FBN2: variants seen among roughly 807,000 people sequenced by gnomAD.
FBN2 encodes fibrillin 2.
Under a neutral mutation model 355.6 loss-of-function variants are expected in FBN2, and 105 were observed. The observed-to-expected ratio is 0.30, with a 90% CI of 0.25 to 0.35. The LOEUF is 0.35. Among genes scored for constraint, FBN2 ranks in the 10% least tolerant of loss-of-function variants. The pLI is 1.00. For missense variants in FBN2, 3,280 were observed against 3,758.7 expected (o/e 0.87, Z 3.33); for synonymous variants, 1,350 against 1,301.2 (o/e 1.04, Z -0.81).
intron 5 of FBN2, among the ~76,000 whole-genome samples, chr5:128,518,083 T>C (rs963007372): frequency 2.6e-5 from 4 of 152,174 alleles, no homozygotes; most frequent in Non-Finnish European, 4.4e-5. Flanking sequence ...ACACACTCTT[T>C]TGCTCCTTTG....
chr5:128,275,436 G>C (rs1443503293), intron 59 of FBN2, among the ~76,000 whole-genome samples: 1 of 114,892 alleles, frequency 8.7e-6, no homozygotes, highest in East Asian at 2.1e-4. Flanking sequence ...AGCGGTGCTT[G>C]CTATTATTTT....
intron 27 of FBN2, 46 bp downstream of exon 27, chr5:128,337,951 T>C (rs1750889756): frequency 6.2e-7 from 1 of 1,608,366 alleles, no homozygotes. Context: ...CCCTGGTCTT[T>C]ACCAGTTGTG....
chr5:128,344,506 G>A lies in FBN2; in HGVS notation c.3222C>T (p.Ile1074=). ...TCCCAGGAAATGCTTTGCATTCATT[G>A]ATGTCTAAAAGCAGAATGAAGCCAG... The part of the protein sequence containing the change: ...VLTGRPFYKD[I]NECKAFPGMC... Residue 1074 remains isoleucine, a synonymous_variant, in exon 25 of 65, where the codon ATC becomes ATT. Coordinates refer to ENST00000262464, the MANE Select transcript of FBN2 (RefSeq NM_001999.4). 1 of 1,613,558 alleles carries A rather than the reference G, an allele frequency of 6.2e-7. No individual in the cohort carries two copies.
chr5:128,273,579 A>G (rs1489282334), intron 61 of FBN2, among the ~76,000 whole-genome samples: 1 of 152,196 alleles, frequency 6.6e-6, no homozygotes, highest in African/African-American at 2.4e-5. Context: ...TTTCAATTCA[A>G]TTCTTTCTCA....
At chr5:128,278,594 T>C in intron 57 of FBN2, 41 bp downstream of exon 57, 4 of 1,551,544 alleles carry the variant, frequency 2.6e-6, no homozygotes, top group Non-Finnish European at 3.6e-6. Context: ...TCATAAAATT[T>C]AATGTGTTGA....
At chr5:128,329,304 C>G (rs1358647465) in intron 33 of FBN2, among the ~76,000 whole-genome samples, 1 of 152,102 alleles carries the variant, frequency 6.6e-6, no homozygotes, top group Non-Finnish European at 1.5e-5. Context: ...CATGTCATTA[C>G]AATCTTATAA....
At chr5:128,483,010 G>A (rs1173177333) in intron 5 of FBN2, among the ~76,000 whole-genome samples, 1 of 152,092 alleles carries the variant, frequency 6.6e-6, no homozygotes, top group Non-Finnish European at 1.5e-5. Context: ...ATACTACACA[G>A]CCATAAAAAG....
chr5:128,392,632 C>T (rs922082180), intron 10 of FBN2, among the ~76,000 whole-genome samples: 1 of 151,818 alleles, frequency 6.6e-6, no homozygotes, highest in Non-Finnish European at 1.5e-5. Flanking sequence ...AGCAATTTAA[C>T]AAAAAAGGGT....
At chr5:128,534,088 T>A (rs1481299694) in intron 2 of FBN2, among the ~76,000 whole-genome samples, 3 of 152,182 alleles carry the variant, frequency 2.0e-5, no homozygotes, top group Admixed American at 2.0e-4. Context: ...GTTGACCATT[T>A]TTTATTTTTC....
At chr5:128,463,594 T>C (rs923383832) in intron 6 of FBN2, among the ~76,000 whole-genome samples, 58 of 152,206 alleles carry the variant, frequency 3.8e-4, no homozygotes, top group Non-Finnish European at 7.2e-4. Context: ...AATCTGTGGA[T>C]GCTGCTGTCA....
intron 8 of FBN2, among the ~76,000 whole-genome samples, chr5:128,406,936 C>T (rs946749661): frequency 2.0e-5 from 3 of 152,204 alleles, no homozygotes; most frequent in Non-Finnish European, 4.4e-5. Flanking sequence ...CTCAGTTATA[C>T]AGACTTAATA....
intron 10 of FBN2, 25 bp downstream of exon 10, chr5:128,393,110 G>A (rs748670241): frequency 6.5e-7 from 1 of 1,546,952 alleles, no homozygotes; most frequent in East Asian, 2.2e-5. Flanking sequence ...AAACTAAAGA[G>A]TCCACAGGAA....
At chr5:128,455,640 C>T (rs751604473) in intron 6 of FBN2, among the ~76,000 whole-genome samples, 11 of 152,050 alleles carry the variant, frequency 7.2e-5, no homozygotes, top group South Asian at 2.1e-4. Flanking sequence ...AGAAGGCTGG[C>T]GTGATCCACA....
intron 31 of FBN2, 112 bp downstream of exon 31, chr5:128,334,607 C>T: frequency 9.1e-7 from 1 of 1,104,530 alleles, no homozygotes; most frequent in Non-Finnish European, 1.4e-6. Flanking sequence ...CACACAGTCA[C>T]AGTCTGGTGG....
At chr5:128,506,904 C>T (rs930969534) in intron 5 of FBN2, among the ~76,000 whole-genome samples, 14 of 152,000 alleles carry the variant, frequency 9.2e-5, no homozygotes, top group South Asian at 2.1e-4. Flanking sequence ...TAGTGAAACA[C>T]GATGTTTTTT....
intron 21 of FBN2, among the ~76,000 whole-genome samples, chr5:128,350,297 C>T (rs1012523132): frequency 6.6e-6 from 1 of 152,180 alleles, no homozygotes; most frequent in Non-Finnish European, 1.5e-5. Context: ...CGGTGGCTCA[C>T]GCCTGTAATC....
At chr5:128,375,562 A>C (rs1268305147) in intron 14 of FBN2, among the ~76,000 whole-genome samples, 1 of 152,204 alleles carries the variant, frequency 6.6e-6, no homozygotes, top group Non-Finnish European at 1.5e-5. Flanking sequence ...TTTCTTACTC[A>C]GAAACATAAG....
chr5:128,316,002 A>C (rs973058163), intron 36 of FBN2, among the ~76,000 whole-genome samples: 1 of 152,210 alleles, frequency 6.6e-6, no homozygotes, highest in Admixed American at 6.5e-5. Context: ...GTCTCTTTGT[A>C]GTTACCTGAC....
chr5:128,330,787 G>T, intron 32 of FBN2, 92 bp from the exon 33 acceptor site: 1 of 1,383,458 alleles, frequency 7.2e-7, no homozygotes, highest in African/African-American at 1.4e-5. Context: ...ATATAAACTG[G>T]ATAAATGACA....
Sources: allele counts gnomAD v4.1 joint callset (sites outside exome capture counted in the v4.1 genomes callset), GRCh38; gene constraint gnomAD v4.1.1; transcripts MANE v1.5; gene names NCBI Gene and HGNC (gene_info 2026-07-23, HGNC 2026-07-21).